The following PDE3A variants were observed in gnomAD, a reference collection of about 807,000 sequenced individuals.
PDE3A encodes cGMP-inhibited 3',5'-cyclic phosphodiesterase 3A.
A neutral mutation model predicts 98.3 loss-of-function variants in PDE3A; 43 were observed. The ratio of observed to expected loss-of-function variants is 0.44; its 90% CI spans 0.34 to 0.56. The LOEUF is 0.56. Among genes scored for constraint, PDE3A ranks in the 20% least tolerant of loss-of-function variants. The pLI, the probability that PDE3A is intolerant of heterozygous loss-of-function variation, is 0.01. For missense variants in PDE3A, 1,427 were observed against 1,440.7 expected, an observed-to-expected ratio of 0.99 and a Z score of 0.15; for synonymous variants, 663 against 567.9, an observed-to-expected ratio of 1.17 and a Z score of -2.38.
At chr12:20,407,566 G>T (rs1944254654) in intron 1 of PDE3A, among the ~76,000 whole-genome samples, 1 of 152,156 alleles carries the variant, frequency 6.6e-6, no homozygotes, top group Non-Finnish European at 1.5e-5. Context: ...CCAGAGGGAG[G>T]TTGGTGGTGC....
At chr12:20,371,404 C>T (rs564389057) in intron 1 of PDE3A, 1 of 983,784 alleles carries the variant, frequency 1.0e-6, no homozygotes, top group African/African-American at 1.7e-5. Flanking sequence ...TTACATTTTT[C>T]CCTTTAAATT....
At chr12:20,429,336 G>C (rs556312079) in intron 1 of PDE3A, among the ~76,000 whole-genome samples, 8 of 152,234 alleles carry the variant, frequency 5.3e-5, no homozygotes, top group African/African-American at 1.9e-4. Flanking sequence ...TTTTTCTTCA[G>C]TTATTCTTTT....
At position 20,635,015 on chromosome 12, in the gene PDE3A, T is replaced by C. The variant is rs755314223; in HGVS notation, c.1960T>C (p.Ser654Pro). ...CCTGAGAGAGCCTCTGAGGAAAGCA[T>C]CGGCTTGCAGCACCTATGCTCCTGA... is the stretch of plus-strand genomic sequence containing the variant. ...ECLREPLRKA[S>P]ACSTYAPETM... is the part of the protein sequence containing the mutation. The change falls in exon 8 of 16, where the codon TCG becomes CCG. Residue 654 changes from serine (S) to proline (P), a missense_variant. By Grantham distance (74) the Ser-to-Pro change is moderately conservative. Coordinates refer to ENST00000359062, the MANE Select transcript of PDE3A (RefSeq NM_000921.5). 6 of 1,613,742 alleles carry C rather than the reference T, an allele frequency of 3.7e-6. No individual in the cohort carries two copies. Among genetic ancestry groups the C allele is most frequent in the Non-Finnish European group, 4.2e-6 (5 of 1,179,798 alleles).
chr12:20,452,598 T>A (rs1945085507), intron 1 of PDE3A, among the ~76,000 whole-genome samples: 1 of 152,202 alleles, frequency 6.6e-6, no homozygotes, highest in Admixed American at 6.5e-5. Flanking sequence ...AAACCTCTAA[T>A]GAAAGAATAA....
At chr12:20,482,071 G>A (rs1041308847) in intron 1 of PDE3A, among the ~76,000 whole-genome samples, 10 of 152,176 alleles carry the variant, frequency 6.6e-5, no homozygotes, top group African/African-American at 2.4e-4. Flanking sequence ...GCGAGAAATA[G>A]ATATTTTTAA....
chr12:20,515,006 T>C (rs928541239), intron 1 of PDE3A, among the ~76,000 whole-genome samples: 24 of 152,198 alleles, frequency 1.6e-4, no homozygotes, highest in Non-Finnish European at 3.1e-4. Flanking sequence ...ACCTTCTTGC[T>C]GCATCATCAC....
chr12:20,479,269 G>A (rs1161344505), intron 1 of PDE3A, among the ~76,000 whole-genome samples: 1 of 152,200 alleles, frequency 6.6e-6, no homozygotes, highest in East Asian at 1.9e-4. Flanking sequence ...ATCAAATGTA[G>A]TGTAGTCTAC....
chr12:20,614,569 C>T (rs940498532), intron 3 of PDE3A, among the ~76,000 whole-genome samples: 2 of 151,958 alleles, frequency 1.3e-5, no homozygotes, highest in African/African-American at 4.8e-5. Flanking sequence ...TATGAAATTC[C>T]CTGATAAAGA....
At chr12:20,675,101 C>G (rs914850787) in intron 15 of PDE3A, among the ~76,000 whole-genome samples, 2 of 151,850 alleles carry the variant, frequency 1.3e-5, no homozygotes, top group Non-Finnish European at 2.9e-5. Context: ...TTGACTACTA[C>G]TTTGTGTTGT....
chr12:20,579,303 AAT>A (rs1296732114), intron 2 of PDE3A, among the ~76,000 whole-genome samples: 1 of 152,146 alleles, frequency 6.6e-6, no homozygotes, highest in African/African-American at 2.4e-5. Context: ...GCTGAGTTGA[AAT>A]ATGCATTTTT....
chr12:20,556,862 T>G, intron 2 of PDE3A, 152 bp downstream of exon 2: 2 of 680,474 alleles, frequency 2.9e-6, no homozygotes, highest in Non-Finnish European at 5.3e-6. Flanking sequence ...ATAATTAAAG[T>G]CTGGATTTCA....
rs1258219040 is a variant in PDE3A at position 20,673,413 on chromosome 12, C to T, written c.3185-6617C>T. ...GACACATGCACACGTATGTTTATTG[C>T]GGCATTATTCACAATAGCAAAGACT... is the stretch of plus-strand genomic sequence containing the variant. On this transcript the variant is annotated intron_variant, in intron 15 of 15. Coordinates refer to ENST00000359062, the MANE Select transcript of PDE3A (RefSeq NM_000921.5). 2.3e-3 allele frequency among the ~76,000 whole-genome samples: 336 copies of T among 143,568 alleles called. 2 individuals are homozygous for T. Among genetic ancestry groups the T allele is most frequent in the African/African-American group, 7.7e-3 (296 of 38,346 alleles). The allele number at this position is 143,568 out of a possible 152,430, so 94.2% of individuals were successfully genotyped here.
chr12:20,549,970 C>A (rs189143224), intron 1 of PDE3A, among the ~76,000 whole-genome samples: 1 of 152,148 alleles, frequency 6.6e-6, no homozygotes, highest in African/African-American at 2.4e-5. Flanking sequence ...AAATGATGAC[C>A]CAAATTAGTC....
At chr12:20,481,784 T>TTTTTTTC (rs1194112392) in intron 1 of PDE3A, among the ~76,000 whole-genome samples, 1 of 145,750 alleles carries the variant, frequency 6.9e-6, no homozygotes, top group African/African-American at 2.6e-5. Flanking sequence ...TTTTTTTTTT[T>TTTTTTTC]TTGAGCAGAG....
chr12:20,566,642 T>C (rs900154660), intron 2 of PDE3A, among the ~76,000 whole-genome samples: 1 of 151,710 alleles, frequency 6.6e-6, no homozygotes, highest in African/African-American at 2.4e-5. Flanking sequence ...CAAACAGATA[T>C]AAAAGCTCTA....
chr12:20,512,045 TTGTC>T (rs1592004169), intron 1 of PDE3A, among the ~76,000 whole-genome samples: 1 of 151,706 alleles, frequency 6.6e-6, no homozygotes, highest in African/African-American at 2.4e-5. Flanking sequence ...TCAGAAAAAA[TTGTC>T]AGTCAGGAGG....
intron 1 of PDE3A, among the ~76,000 whole-genome samples, chr12:20,391,775 C>T (rs542183167): frequency 6.6e-6 from 1 of 151,782 alleles, no homozygotes. Context: ...TTTGTTCTCC[C>T]CTTTTCCCCT....
At chr12:20,673,915 A>G (rs894935315) in intron 15 of PDE3A, among the ~76,000 whole-genome samples, 1 of 152,148 alleles carries the variant, frequency 6.6e-6, no homozygotes, top group African/African-American at 2.4e-5. Context: ...TTGCTTGGGT[A>G]GAATGGTCAT....
At chr12:20,510,484 A>G (rs1185132918) in intron 1 of PDE3A, among the ~76,000 whole-genome samples, 3 of 152,138 alleles carry the variant, frequency 2.0e-5, no homozygotes, top group Admixed American at 6.5e-5. Flanking sequence ...AATAGCGGAA[A>G]GTAGTTTTAG....
Sources: gnomAD v4.1 joint callset for allele counts (sites outside exome capture counted in the v4.1 genomes callset) on GRCh38, gnomAD v4.1.1 for gene constraint, MANE v1.5 for transcripts, NCBI Gene and HGNC (gene_info 2026-07-23, HGNC 2026-07-21) for gene names.